The following NRXN3 variants were observed in gnomAD, a reference collection of about 807,000 sequenced individuals.
NRXN3 encodes the protein neurexin III.
A neutral mutation model predicts 137.6 loss-of-function variants in NRXN3; 32 were observed. The ratio of observed to expected loss-of-function variants is 0.23; its 90% CI spans 0.18 to 0.31. NRXN3 has a LOEUF of 0.31. Ranked by LOEUF, NRXN3 falls within the 10% of genes least tolerant of loss-of-function variation. The probability of loss-of-function intolerance (pLI) is 1.00; values close to 1 mark genes in which losing one functional copy is unlikely to be tolerated. For missense variants in NRXN3, 1,574 were observed against 2,062.5 expected, an observed-to-expected ratio of 0.76 and a Z score of 4.59; for synonymous variants, 798 against 784.5, an observed-to-expected ratio of 1.02 and a Z score of -0.29.
intron 15 of NRXN3, among the ~76,000 whole-genome samples, chr14:79,219,901 A>G (rs897740442): frequency 5.9e-5 from 9 of 152,230 alleles, no homozygotes; most frequent in Admixed American, 1.3e-4. Flanking sequence ...GATAAACACT[A>G]TCTTTCAGAG....
At chr14:79,108,901 T>C (rs991169052) in intron 15 of NRXN3, among the ~76,000 whole-genome samples, 1 of 152,088 alleles carries the variant, frequency 6.6e-6, no homozygotes, top group Non-Finnish European at 1.5e-5. Context: ...AATGGGGAGA[T>C]ATCATTAGAG....
intron 16 of NRXN3, among the ~76,000 whole-genome samples, chr14:79,491,398 A>G (rs137908569): frequency 3.5e-4 from 54 of 152,316 alleles, no homozygotes; most frequent in African/African-American, 1.3e-3. Flanking sequence ...GATGAAACCA[A>G]GAGATTGTCT....
At chr14:79,828,720 C>T (rs1204543989) in intron 20 of NRXN3, among the ~76,000 whole-genome samples, 3 of 144,526 alleles carry the variant, frequency 2.1e-5, no homozygotes, top group African/African-American at 7.7e-5. Flanking sequence ...CTGGAATAGT[C>T]ATGGGAGCCA....
chr14:79,518,536 A>T (rs529092339), intron 16 of NRXN3, among the ~76,000 whole-genome samples: 1 of 152,222 alleles, frequency 6.6e-6, no homozygotes, highest in East Asian at 1.9e-4. Context: ...ATACATGAAG[A>T]TCATGAATTA....
chr14:78,524,935 T>A (rs1161404275), intron 4 of NRXN3, among the ~76,000 whole-genome samples: 2 of 152,202 alleles, frequency 1.3e-5, no homozygotes, highest in Non-Finnish European at 2.9e-5. Context: ...TTCCAATAAG[T>A]GCCTTTTCTT....
At chr14:78,328,424 A>G (rs906987988) in intron 4 of NRXN3, among the ~76,000 whole-genome samples, 2 of 152,318 alleles carry the variant, frequency 1.3e-5, no homozygotes, top group Admixed American at 6.5e-5. Flanking sequence ...CATTAACCAC[A>G]GCATCATATT....
chr14:79,803,600 A>C (rs2099190533), intron 19 of NRXN3, among the ~76,000 whole-genome samples: 1 of 152,054 alleles, frequency 6.6e-6, no homozygotes, highest in African/African-American at 2.4e-5. Flanking sequence ...CTTTGTATCA[A>C]ATACAGTCAC....
At chr14:78,902,815 G>A (rs2099201276) in intron 10 of NRXN3, among the ~76,000 whole-genome samples, 1 of 151,436 alleles carries the variant, frequency 6.6e-6, no homozygotes, top group African/African-American at 2.4e-5. Flanking sequence ...ATATAACATA[G>A]TTATATTCAG....
At chr14:78,517,278 T>G (rs1395755784) in intron 4 of NRXN3, among the ~76,000 whole-genome samples, 1 of 152,140 alleles carries the variant, frequency 6.6e-6, no homozygotes, top group Non-Finnish European at 1.5e-5. Flanking sequence ...TATGTTGATT[T>G]AAGTAATGCT....
chr14:79,474,474 T>A (rs1434910118), intron 16 of NRXN3, among the ~76,000 whole-genome samples: 1 of 152,144 alleles, frequency 6.6e-6, no homozygotes, highest in Admixed American at 6.5e-5. Context: ...GTCAATTTTA[T>A]GAATTAACCA....
intron 4 of NRXN3, among the ~76,000 whole-genome samples, chr14:78,305,955 C>T (rs1012712417): frequency 6.6e-6 from 1 of 152,056 alleles, no homozygotes; most frequent in Admixed American, 6.6e-5. Flanking sequence ...ATTTTAGCAG[C>T]TCTGTGTTTT....
chr14:79,739,755 C>T (rs2098954533), intron 19 of NRXN3, among the ~76,000 whole-genome samples: 1 of 149,626 alleles, frequency 6.7e-6, no homozygotes, highest in Admixed American at 6.7e-5. Flanking sequence ...TTGAGGTCAT[C>T]ACCAGCTACG....
At position 79,286,501 on chromosome 14, in the gene NRXN3, T is replaced by A. The variant is rs1000435570; in HGVS notation, c.3263-180720T>A. Among the ~76,000 whole-genome samples, 5 of 149,376 alleles carry A rather than the reference T, an allele frequency of 3.3e-5. No individual in the cohort carries two copies. In the Admixed American group the frequency reaches 3.4e-4, roughly 10 times the overall value. ...GAGGTAAATTGTCTACTTCATGACA[T>A]GGTTATGAAGCTTGGTGAGATGATT... On this transcript the variant is annotated intron_variant, in intron 15 of 20. Coordinates refer to ENST00000335750, the MANE Select transcript of NRXN3 (RefSeq NM_001330195.2).
At chr14:78,713,394 C>T (rs2098418303) in intron 7 of NRXN3, among the ~76,000 whole-genome samples, 2 of 152,156 alleles carry the variant, frequency 1.3e-5, no homozygotes, top group Admixed American at 6.5e-5. Flanking sequence ...CTGGACTTTG[C>T]ATGGCTGAAT....
intron 15 of NRXN3, among the ~76,000 whole-genome samples, chr14:79,069,179 A>G (rs909796639): frequency 6.6e-6 from 1 of 152,080 alleles, no homozygotes; most frequent in African/African-American, 2.4e-5. Context: ...GCAGAGGAAA[A>G]TGTAAGGCAA....
At chr14:78,198,504 G>T (rs1213445250) in intron 1 of NRXN3, among the ~76,000 whole-genome samples, 1 of 152,230 alleles carries the variant, frequency 6.6e-6, no homozygotes, top group African/African-American at 2.4e-5. Flanking sequence ...GAAGTTAGGA[G>T]ATGGTGACCC....
At chr14:79,110,042 T>G (rs1327920463) in intron 15 of NRXN3, among the ~76,000 whole-genome samples, 4 of 152,190 alleles carry the variant, frequency 2.6e-5, no homozygotes, top group South Asian at 2.1e-4. Context: ...TTCTTTCATT[T>G]GTCACTATGT....
chr14:78,223,067 T>C (rs1203878782), intron 1 of NRXN3, among the ~76,000 whole-genome samples: 1 of 152,258 alleles, frequency 6.6e-6, no homozygotes, highest in African/African-American at 2.4e-5. Flanking sequence ...GACTAGGCAT[T>C]CATGAAGTGT....
chr14:78,778,156 A>G (rs2098750838), intron 8 of NRXN3, among the ~76,000 whole-genome samples: 2 of 152,246 alleles, frequency 1.3e-5, no homozygotes, highest in South Asian at 4.1e-4. Context: ...TTAAGATGTC[A>G]TGTTCTCTGA....
Sources: allele counts gnomAD v4.1 joint callset (sites outside exome capture counted in the v4.1 genomes callset), GRCh38; gene constraint gnomAD v4.1.1; transcripts MANE v1.5; gene names NCBI Gene and HGNC (gene_info 2026-07-23, HGNC 2026-07-21).